Variants in HNF4G observed in about 807,000 individuals in gnomAD.
HNF4G encodes the protein hepatocyte nuclear factor 4 gamma.
A neutral mutation model predicts 50.9 loss-of-function variants in HNF4G; 21 were observed. That is an observed-to-expected ratio of 0.41 (90% CI 0.29 to 0.59). The LOEUF is 0.59. HNF4G is among the 20% of genes least tolerant of loss of function. HNF4G has a pLI of 0.26. For missense variants in HNF4G, 527 were observed against 559.4 expected (o/e 0.94, Z 0.58); for synonymous variants, 198 against 185.6 (o/e 1.07, Z -0.54).
intron 2 of HNF4G, among the ~76,000 whole-genome samples, chr8:75,521,820 C>T (rs1209754789): frequency 5.3e-5 from 8 of 152,130 alleles, no homozygotes; most frequent in Non-Finnish European, 1.2e-4. Flanking sequence ...CATTGCATGT[C>T]TCTTTTAAAG....
At chr8:75,448,667 A>G (rs914760255) in intron 1 of HNF4G, among the ~76,000 whole-genome samples, 1 of 151,940 alleles carries the variant, frequency 6.6e-6, no homozygotes, top group African/African-American at 2.4e-5. Flanking sequence ...TGGGAATGAA[A>G]AATTATAAGT....
At chr8:75,439,467 G>A (rs1055708482) in intron 1 of HNF4G, among the ~76,000 whole-genome samples, 6 of 151,838 alleles carry the variant, frequency 4.0e-5, no homozygotes, top group African/African-American at 1.4e-4. Context: ...TAAATTATAG[G>A]ACTCATCATA....
At chr8:75,448,261 T>G (rs1240150439) in intron 1 of HNF4G, among the ~76,000 whole-genome samples, 1 of 124,138 alleles carries the variant, frequency 8.1e-6, no homozygotes, top group Non-Finnish European at 1.6e-5. Flanking sequence ...TGAAGGGGAA[T>G]ACCACACTCT....
At chr8:75,439,523 G>GT (rs772184164) in intron 1 of HNF4G, among the ~76,000 whole-genome samples, 3 of 151,746 alleles carry the variant, frequency 2.0e-5, no homozygotes, top group Non-Finnish European at 4.4e-5. Flanking sequence ...TTTCATTTTT[G>GT]TTTTGTATCT....
intron 1 of HNF4G, among the ~76,000 whole-genome samples, chr8:75,448,624 T>C (rs1465376539): frequency 6.6e-6 from 1 of 151,706 alleles, no homozygotes; most frequent in Admixed American, 6.6e-5. Flanking sequence ...GGGAAACTGA[T>C]AAGTACTGCT....
At chr8:75,491,608 C>T (rs915925717) in intron 2 of HNF4G, among the ~76,000 whole-genome samples, 1 of 151,718 alleles carries the variant, frequency 6.6e-6, no homozygotes, top group South Asian at 2.1e-4. Context: ...TCCCAAGTAG[C>T]GGGATTACAG....
At chr8:75,409,522 T>C (rs950356432) in intron 1 of HNF4G, among the ~76,000 whole-genome samples, 1 of 130,996 alleles carries the variant, frequency 7.6e-6, no homozygotes, top group Admixed American at 8.4e-5. Flanking sequence ...GAAGTCTTGC[T>C]CTGTCACCCA....
At chr8:75,516,709 T>G (rs1805897511) in intron 2 of HNF4G, among the ~76,000 whole-genome samples, 1 of 152,224 alleles carries the variant, frequency 6.6e-6, no homozygotes. Flanking sequence ...ATTTATGAAT[T>G]TTTGCTTCAT....
intron 1 of HNF4G, among the ~76,000 whole-genome samples, chr8:75,488,598 T>G (rs1812549410): frequency 6.6e-6 from 1 of 152,114 alleles, no homozygotes; most frequent in Non-Finnish European, 1.5e-5. Context: ...TTTTGGACAA[T>G]AAGCTTAGAA....
At chr8:75,475,526 G>T (rs1042289832) in intron 1 of HNF4G, among the ~76,000 whole-genome samples, 2 of 152,076 alleles carry the variant, frequency 1.3e-5, no homozygotes, top group African/African-American at 4.8e-5. Flanking sequence ...GTGTGTGTTT[G>T]TGTGTGTGTA....
At chr8:75,540,972 A>G (rs1806603657) in intron 1 of HNF4G, among the ~76,000 whole-genome samples, 1 of 151,644 alleles carries the variant, frequency 6.6e-6, no homozygotes, top group South Asian at 2.1e-4. Context: ...TTCTGGTTCT[A>G]TTTTTAATAA....
At position 75,413,206 on chromosome 8, in the gene HNF4G, A is replaced by G. The variant is rs557259129; in HGVS notation, c.-144+5044A>G. 2.7e-5 allele frequency among the ~76,000 whole-genome samples: 4 copies of G among 150,418 alleles called. No individual in the cohort carries two copies. The East Asian group carries it at 7.8e-4, about 29-fold the overall frequency. ...CGGGAAGCCATCACAATCTTTAAGCAGGTTGAGTTAAGATTTTTTTTCTTA... is the reference window on the plus strand; with the variant it reads ...CGGGAAGCCATCACAATCTTTAAGCGGGTTGAGTTAAGATTTTTTTTCTTA... On this transcript the variant is annotated intron_variant, in intron 1 of 10. Transcript: ENST00000354370.
intron 2 of HNF4G, among the ~76,000 whole-genome samples, chr8:75,494,245 G>A (rs1008740209): frequency 4.0e-5 from 6 of 150,068 alleles, no homozygotes; most frequent in African/African-American, 1.2e-4. Context: ...AATAAAATTA[G>A]ACAAAGTGTT....
chr8:75,499,474 T>A (rs1476320271), intron 2 of HNF4G, among the ~76,000 whole-genome samples: 1 of 152,014 alleles, frequency 6.6e-6, no homozygotes, highest in Non-Finnish European at 1.5e-5. Context: ...TTTACATATT[T>A]AACATAGTCC....
intron 2 of HNF4G, among the ~76,000 whole-genome samples, chr8:75,517,375 G>A (rs957020270): frequency 6.6e-6 from 1 of 152,124 alleles, no homozygotes; most frequent in Non-Finnish European, 1.5e-5. Context: ...AAAGTCCACA[G>A]TCCAAAGTCT....
chr8:75,506,346 TA>T (rs1211413127), intron 2 of HNF4G, among the ~76,000 whole-genome samples: 2 of 152,120 alleles, frequency 1.3e-5, no homozygotes, highest in Middle Eastern at 3.2e-3. Flanking sequence ...TAGTAATTAT[TA>T]AATACTAGAT....
At chr8:75,534,242 C>T (rs1054387814) in intron 2 of HNF4G, among the ~76,000 whole-genome samples, 2 of 151,858 alleles carry the variant, frequency 1.3e-5, no homozygotes, top group Admixed American at 6.6e-5. Context: ...CTGTCAAATC[C>T]TAACATGTTC....
intron 2 of HNF4G, among the ~76,000 whole-genome samples, chr8:75,510,892 C>T (rs2977911): frequency 0.52 from 79,719 of 151,872 alleles, 23,301 homozygotes; most frequent in African/African-American, 0.79. Flanking sequence ...AAATTTAACA[C>T]GGTATTTCTT....
intron 1 of HNF4G, among the ~76,000 whole-genome samples, chr8:75,464,617 T>A (rs1004548260): frequency 1.8e-4 from 28 of 152,216 alleles, no homozygotes; most frequent in Non-Finnish European, 1.9e-4. Context: ...GAGAGTCTTA[T>A]TTTATTTGAC....
Sources: gnomAD v4.1 joint callset for allele counts (sites outside exome capture counted in the v4.1 genomes callset) on GRCh38, gnomAD v4.1.1 for gene constraint, MANE v1.5 for transcripts, NCBI Gene and HGNC (gene_info 2026-07-23, HGNC 2026-07-21) for gene names.